Variants in PTPRG observed in about 807,000 individuals in gnomAD.
PTPRG encodes the protein receptor-type tyrosine-protein phosphatase gamma.
PTPRG carries 102 observed loss-of-function variants against 165.3 expected under a neutral mutation model. That is an observed-to-expected ratio of 0.62 (90% CI 0.53 to 0.73). The LOEUF (loss-of-function observed/expected upper bound fraction) is 0.73, where lower values mean the gene tolerates loss of function less well. PTPRG is among the 30% of genes least tolerant of loss of function. The pLI is 0.00. For synonymous variants in PTPRG, 675 were observed against 669.5 expected (o/e 1.01, Z -0.13); for missense variants, 1,866 against 1,861.4 (o/e 1.00, Z -0.05).
At chr3:62,177,112 A>G (rs1705455506) in intron 8 of PTPRG, among the ~76,000 whole-genome samples, 1 of 152,000 alleles carries the variant, frequency 6.6e-6, no homozygotes, top group Non-Finnish European at 1.5e-5. Flanking sequence ...GAAAAGAAAA[A>G]AAAATTTATC....
chr3:62,272,785 C>T (rs772162593), intron 21 of PTPRG, among the ~76,000 whole-genome samples, 161 bp from the exon 22 acceptor site: 4 of 151,972 alleles, frequency 2.6e-5, no homozygotes, highest in Non-Finnish European at 5.9e-5. Flanking sequence ...TGCAGTGAAC[C>T]GAGATTGCGC....
chr3:61,962,437 C>T (rs2040174913), intron 2 of PTPRG, among the ~76,000 whole-genome samples: 1 of 152,156 alleles, frequency 6.6e-6, no homozygotes, highest in African/African-American at 2.4e-5. Flanking sequence ...CTTTGCTCAT[C>T]TGTGAAATGG....
At chr3:62,079,807 T>G (rs1274633637) in intron 5 of PTPRG, among the ~76,000 whole-genome samples, 2 of 152,240 alleles carry the variant, frequency 1.3e-5, no homozygotes, top group East Asian at 3.8e-4. Flanking sequence ...TCAATCTCAG[T>G]ATCCTTATCT....
intron 15 of PTPRG, 112 bp downstream of exon 15, chr3:62,244,010 T>G (rs1231089206): frequency 3.2e-6 from 2 of 631,330 alleles, no homozygotes; most frequent in African/African-American, 3.7e-5. Flanking sequence ...GCTTGCCCAG[T>G]ATAAGAAATT....
chr3:62,194,256 G>T (rs1406988928), intron 9 of PTPRG, among the ~76,000 whole-genome samples: 1 of 152,224 alleles, frequency 6.6e-6, no homozygotes, highest in Non-Finnish European at 1.5e-5. Flanking sequence ...TGTTAGCCAA[G>T]TGGCATTCTT....
At chr3:62,048,044 T>C (rs1700352945) in intron 4 of PTPRG, among the ~76,000 whole-genome samples, 1 of 152,188 alleles carries the variant, frequency 6.6e-6, no homozygotes, top group Admixed American at 6.5e-5. Context: ...CTGGCTTTTC[T>C]TGGAAACCTG....
chr3:61,602,660 C>G (rs1021104830), intron 1 of PTPRG, among the ~76,000 whole-genome samples: 1 of 152,182 alleles, frequency 6.6e-6, no homozygotes, highest in African/African-American at 2.4e-5. Context: ...ACCCCCTCTT[C>G]GGCACAGGGG....
chr3:62,231,014 G>A (rs1444842706), intron 13 of PTPRG, among the ~76,000 whole-genome samples: 1 of 152,144 alleles, frequency 6.6e-6, no homozygotes, highest in East Asian at 1.9e-4. Flanking sequence ...AAAGAGTAAA[G>A]TTCCCACTGG....
At position 62,062,945 on chromosome 3, in the gene PTPRG, T is replaced by C. The variant is rs1700869751; in HGVS notation, c.520-15218T>C. Among the ~76,000 whole-genome samples, 4 of 152,168 alleles carry C rather than the reference T, an allele frequency of 2.6e-5. No homozygotes were observed. In the South Asian group the frequency reaches 8.3e-4, roughly 32 times the overall value. On this transcript the variant is annotated intron_variant, in intron 4 of 29. Coordinates refer to ENST00000474889, the MANE Select transcript of PTPRG (RefSeq NM_002841.4). ...CTGGGATTACAGGCATGAGCCACCA[T>C]GCCCAGCCAATTTTGTGGCATTCTT...
chr3:62,157,773 C>T (rs1317474931), intron 7 of PTPRG, among the ~76,000 whole-genome samples: 1 of 152,186 alleles, frequency 6.6e-6, no homozygotes, highest in Non-Finnish European at 1.5e-5. Flanking sequence ...AGCCTACCCA[C>T]AGTTCAGAAA....
chr3:61,985,081 A>G (rs1342606479), intron 2 of PTPRG, among the ~76,000 whole-genome samples: 1 of 152,232 alleles, frequency 6.6e-6, no homozygotes, highest in South Asian at 2.1e-4. Flanking sequence ...GACTTTTGCT[A>G]GGCCTCTCCA....
At chr3:62,143,793 G>A (rs1704016379) in intron 6 of PTPRG, among the ~76,000 whole-genome samples, 1 of 152,186 alleles carries the variant, frequency 6.6e-6, no homozygotes, top group Admixed American at 6.5e-5. Context: ...GCCTGGGTTT[G>A]AATTCTGGCT....
intron 2 of PTPRG, among the ~76,000 whole-genome samples, chr3:61,883,210 A>C (rs2037936946): frequency 6.6e-6 from 1 of 152,184 alleles, no homozygotes; most frequent in Non-Finnish European, 1.5e-5. Flanking sequence ...GAAGCTTAGA[A>C]TAATGATGAA....
chr3:61,902,630 T>C (rs1035492381), intron 2 of PTPRG, among the ~76,000 whole-genome samples: 3 of 152,174 alleles, frequency 2.0e-5, no homozygotes, highest in Non-Finnish European at 2.9e-5. Flanking sequence ...TATCATAAAT[T>C]TCTAAGGACC....
chr3:61,872,251 G>C (rs1018661733), intron 2 of PTPRG, among the ~76,000 whole-genome samples: 1 of 152,282 alleles, frequency 6.6e-6, no homozygotes, highest in Middle Eastern at 3.4e-3. Flanking sequence ...TGGGCACCTG[G>C]AGTTCTGGCA....
intron 1 of PTPRG, among the ~76,000 whole-genome samples, chr3:61,668,860 C>G (rs1702885080): frequency 6.6e-6 from 1 of 152,156 alleles, no homozygotes; most frequent in South Asian, 2.1e-4. Context: ...AGGATTTACT[C>G]TACCACACAA....
chr3:61,863,007 A>G (rs528694845), intron 2 of PTPRG, among the ~76,000 whole-genome samples: 21 of 152,080 alleles, frequency 1.4e-4, no homozygotes, highest in Non-Finnish European at 2.4e-4. Flanking sequence ...TTAACAGTCA[A>G]TAAAATCTAT....
rs1428309272 is a variant in PTPRG, at chr3:62,191,498, G to T, written c.1063G>T (p.Val355Leu). The T allele has an allele frequency of 1.9e-6, 3 of 1,614,044 alleles. No homozygotes were observed. Among genetic ancestry groups the T allele is most frequent in the Non-Finnish European group, 2.5e-6 (3 of 1,180,000 alleles). ...VCSSPPIHMKVQPLNQTALQV... is the reference protein window; with the variant it reads ...VCSSPPIHMKLQPLNQTALQV... ...CAGCTCTCCACCCATCCACATGAAG[G>T]TGCAGCCTCTGAACCAGACGGCACT... The change falls in exon 9 of 30, where the codon GTG becomes TTG. Residue 355 changes from valine to leucine, a missense_variant. This residue lies in a region of PTPRG where 1,452 missense variants were observed against 1,463.0 expected (regional missense o/e 0.99). Transcript: ENST00000474889.
chr3:62,048,211 G>A (rs1282205488), intron 4 of PTPRG, among the ~76,000 whole-genome samples: 1 of 152,110 alleles, frequency 6.6e-6, no homozygotes, highest in Non-Finnish European at 1.5e-5. Flanking sequence ...AAACAAGGAG[G>A]TAATGAATGT....
Sources: allele counts gnomAD v4.1 joint callset (sites outside exome capture counted in the v4.1 genomes callset), GRCh38; gene constraint gnomAD v4.1.1; regional missense constraint gnomAD v4.1.1; transcripts MANE v1.5; gene names NCBI Gene and HGNC (gene_info 2026-07-23, HGNC 2026-07-21).